The following LRIG2 variants were observed in gnomAD, a reference collection of about 807,000 sequenced individuals.
The protein encoded by LRIG2 is leucine rich repeats and immunoglobulin like domains 2, also known as leucine-rich repeats and immunoglobulin-like domains protein 2.
LRIG2 carries 93 observed loss-of-function variants against 107.8 expected under a neutral mutation model. The ratio of observed to expected loss-of-function variants is 0.86; its 90% CI spans 0.73 to 1.03. The LOEUF (loss-of-function observed/expected upper bound fraction) is 1.03. Among genes scored for constraint, LRIG2 ranks in the 50% least tolerant of loss-of-function variants. The pLI, the probability that LRIG2 is intolerant of heterozygous loss-of-function variation, is 0.00. For missense variants in LRIG2, 1,226 were observed against 1,296.0 expected, an observed-to-expected ratio of 0.95 and a Z score of 0.83; for synonymous variants, 471 against 470.6, an observed-to-expected ratio of 1.00 and a Z score of -0.01.
rs766340813 is a variant in LRIG2 at position 113,073,399 on chromosome 1, G to A, written c.-8G>A. 1 of 1,611,762 alleles carries A rather than the reference G, an allele frequency of 6.2e-7. No individual in the cohort carries two copies. The highest frequency in any genetic ancestry group is 8.5e-7 in the Non-Finnish European group (1 of 1,178,212). Reference sequence around the variant, plus strand: ...CTCTTCTAGGCCACGTCCAGGTCGAGGGGGAAAATGGCGCCGGCGCCCCTA... The same window carrying A: ...CTCTTCTAGGCCACGTCCAGGTCGAAGGGGAAAATGGCGCCGGCGCCCCTA... On this transcript the variant is annotated 5_prime_UTR_variant, in exon 1 of 18. Transcript: ENST00000361127.
At chr1:113,080,208 A>T (rs1414278668) in intron 1 of LRIG2, among the ~76,000 whole-genome samples, 1 of 150,416 alleles carries the variant, frequency 6.6e-6, no homozygotes, top group East Asian at 2.0e-4. Flanking sequence ...TTTAGTAGAG[A>T]CGGGGTTTCA....
chr1:113,094,856 T>A, intron 6 of LRIG2, 101 bp downstream of exon 6: 2 of 1,112,732 alleles, frequency 1.8e-6, no homozygotes, highest in African/African-American at 1.5e-5. Context: ...AGAGATACAT[T>A]CATTCATTCC....
At chr1:113,109,323 C>T (rs1157190861) in intron 12 of LRIG2, among the ~76,000 whole-genome samples, 1 of 152,094 alleles carries the variant, frequency 6.6e-6, no homozygotes, top group Non-Finnish European at 1.5e-5. Context: ...ATTATGAATC[C>T]ATATTTTATT....
At chr1:113,109,612 G>A (rs893382792) in intron 12 of LRIG2, among the ~76,000 whole-genome samples, 3 of 152,186 alleles carry the variant, frequency 2.0e-5, no homozygotes, top group East Asian at 1.9e-4. Context: ...TCTACCCCCC[G>A]GGTTCAAGTG....
Position 113,073,422 on chromosome 1 carries a change from C to T in LRIG2, c.16C>T (p.Leu6=), listed in dbSNP as rs746542979. The T allele has an allele frequency of 1.5e-5, 24 of 1,613,770 alleles. No homozygotes were observed. The highest frequency in any genetic ancestry group is 6.7e-5 in the Admixed American group (4 of 60,006). ...GAGGGGGAAAATGGCGCCGGCGCCC[C>T]TAGGCGTCCCGGAGGAGCAGTTGCT... MAPAP[L]GVPEEQLLGC... The change falls in exon 1 of 18, where the codon CTA becomes TTA. Residue 6 remains leucine, a synonymous_variant. Transcript: ENST00000361127.
At chr1:113,110,753 A>G (rs1452238073) in intron 13 of LRIG2, among the ~76,000 whole-genome samples, 191 bp downstream of exon 13, 1 of 152,088 alleles carries the variant, frequency 6.6e-6, no homozygotes, top group Non-Finnish European at 1.5e-5. Context: ...TATGGTCTCT[A>G]ATTGGTCTTT....
At chr1:113,098,921 C>G (rs977334949) in intron 9 of LRIG2, 136 bp downstream of exon 9, 14 of 614,332 alleles carry the variant, frequency 2.3e-5, no homozygotes, top group South Asian at 2.2e-4. Context: ...TGTGGGGTTT[C>G]TTTGTTTGTT....
At chr1:113,085,108 T>C (rs1332519022) in intron 1 of LRIG2, among the ~76,000 whole-genome samples, 1 of 152,262 alleles carries the variant, frequency 6.6e-6, no homozygotes, top group Non-Finnish European at 1.5e-5. Context: ...CTTCTCCTTT[T>C]GCCTTCCTCA....
chr1:113,099,255 TGAGACAGGG>T (rs1654207005), intron 9 of LRIG2, among the ~76,000 whole-genome samples: 1 of 148,668 alleles, frequency 6.7e-6, no homozygotes, highest in African/African-American at 2.5e-5. Context: ...TTTTTTTTTT[TGAGACAGGG>T]TCTTGCTCTG....
chr1:113,119,955 G>A (rs1016538459), intron 17 of LRIG2, among the ~76,000 whole-genome samples: 4 of 151,852 alleles, frequency 2.6e-5, no homozygotes, highest in East Asian at 4.0e-4. Flanking sequence ...GACTACAGGC[G>A]TGCACCACCA....
At chr1:113,100,178 G>T in intron 9 of LRIG2, 33 bp from the exon 10 acceptor site, 1 of 1,325,506 alleles carries the variant, frequency 7.5e-7, no homozygotes, top group South Asian at 1.4e-5. Flanking sequence ...GTTTAGTGGA[G>T]AGCTTTCTTA....
In LRIG2 at chr1:113,124,876, A is replaced by G. The variant is rs983040875; in HGVS notation, c.*775A>G. ...TTAGTGAGATCTAAAAATTTTATTTAAAGTATAAAAACTGTGGCTCACACC... is the reference window on the plus strand; with the variant it reads ...TTAGTGAGATCTAAAAATTTTATTTGAAGTATAAAAACTGTGGCTCACACC... On this transcript the variant is annotated 3_prime_UTR_variant, in exon 18 of 18. Transcript: ENST00000361127. 2 of 152,200 alleles carry G rather than the reference A, an allele frequency of 1.3e-5. No individual in the cohort carries two copies. Among genetic ancestry groups the G allele is most frequent in the Non-Finnish European group, 2.9e-5 (2 of 68,052 alleles). 9.4% of individuals were successfully genotyped at this position (152,200 alleles called of 1,614,324 possible).
Position 113,073,540 on chromosome 1 carries a change from C to CGCCCTGCTCCTGCCGCATTCCTCTCCTG in LRIG2, c.136_163dup (p.Asp55AlafsTer40), listed in dbSNP as rs1557891388. 3.0e-5 allele frequency: 48 copies of CGCCCTGCTCCTGCCGCATTCCTCTCCTG among 1,614,018 alleles called. No individual in the cohort carries two copies. The highest frequency in any genetic ancestry group is 4.0e-5 in the Non-Finnish European group (47 of 1,180,008). ...GCCGCCGGAGCAGGTCTCTGCCCCG[C>CGCCCTGCTCCTGCCGCATTCCTCTCCTG]GCCCTGCTCCTGCCGCATTCCTCTC... On this transcript the variant is annotated frameshift_variant, in exon 1 of 18. Coordinates refer to ENST00000361127, the MANE Select transcript of LRIG2 (RefSeq NM_014813.3). LOFTEE classifies it high-confidence loss of function.
Position 113,100,218 on chromosome 1 carries a change from C to T in LRIG2, c.1180C>T (p.Gln394Ter). The change falls in exon 10 of 18, where the codon CAA becomes TAA. Residue 394 changes from glutamine (Q) to a stop codon, truncating the protein, a stop_gained. Coordinates refer to ENST00000361127, the MANE Select transcript of LRIG2 (RefSeq NM_014813.3). LOFTEE classifies it high-confidence loss of function. ...GLTSLTKLIL[Q>*]GNQIKSITKK... ...GATCTGTTTATATTTCAGAATCTTA[C>T]AAGGAAACCAGATTAAGTCAATTAC... The T allele has an allele frequency of 5.1e-6, 8 of 1,569,878 alleles. No homozygotes were observed. The highest frequency in any genetic ancestry group is 6.1e-6 in the Non-Finnish European group (7 of 1,147,984).
intron 9 of LRIG2, 104 bp downstream of exon 9, chr1:113,098,889 C>A: frequency 1.4e-6 from 1 of 707,604 alleles, no homozygotes; most frequent in African/African-American, 1.8e-5. Context: ...AAAGTCTGAG[C>A]TTTCTGACAC....
In LRIG2 at chr1:113,093,255, A is replaced by G. The variant is rs758364915; in HGVS notation, c.355A>G (p.Thr119Ala). 6.3e-7 allele frequency: 1 copy of G among 1,597,790 alleles called. No individual in the cohort carries two copies. Among genetic ancestry groups the G allele is most frequent in the East Asian group, 2.2e-5 (1 of 44,706 alleles). The change falls in exon 3 of 18, where the codon ACA becomes GCA. Residue 119 changes from threonine (T) to alanine (A), a missense_variant. Physicochemically the swap from Thr to Ala is moderately conservative, Grantham distance 58 (BLOSUM62 0). Around this residue, in one of 3 missense-constraint regions of LRIG2, gnomAD observed 570 missense variants for 550.2 expected, o/e 1.04. Coordinates refer to ENST00000361127, the MANE Select transcript of LRIG2 (RefSeq NM_014813.3). ...AGAAATCCCGTATTTTGGAGAACCT[A>G]CATCTAATATTACTCTACTTTCATT... ...LTEIPYFGEP[T>A]SNITLLSLVH...
At chr1:113,099,212 G>C (rs565325132) in intron 9 of LRIG2, among the ~76,000 whole-genome samples, 1 of 148,864 alleles carries the variant, frequency 6.7e-6, no homozygotes, top group East Asian at 2.0e-4. Context: ...CCGGATTATA[G>C]GTATGAGCCA....
chr1:113,091,056 G>A (rs1653798870), intron 1 of LRIG2, among the ~76,000 whole-genome samples: 1 of 151,552 alleles, frequency 6.6e-6, no homozygotes, highest in African/African-American at 2.4e-5. Context: ...TTCACCAGGT[G>A]ATTCTTGAAC....
At chr1:113,098,618 C>T in intron 8 of LRIG2, 87 bp from the exon 9 acceptor site, 1 of 803,076 alleles carries the variant, frequency 1.2e-6, no homozygotes, top group Non-Finnish European at 2.2e-6. Context: ...AGCATGTGTA[C>T]CTTGACATCA....
Sources: allele counts gnomAD v4.1 joint callset (sites outside exome capture counted in the v4.1 genomes callset), GRCh38; gene constraint gnomAD v4.1.1; regional missense constraint gnomAD v4.1.1; transcripts MANE v1.5; gene names NCBI Gene and HGNC (gene_info 2026-07-23, HGNC 2026-07-21).